The following POF1B variants were observed in gnomAD, a reference collection of about 807,000 sequenced individuals.
POF1B encodes protein POF1B.
A neutral mutation model predicts 55.3 loss-of-function variants in POF1B; 53 were observed. The observed-to-expected ratio is 0.96, with a 90% CI of 0.77 to 1.20. The LOEUF is 1.20. Among genes scored for constraint, POF1B ranks in the 50% most tolerant of loss-of-function variants. POF1B has a pLI of 0.00. For missense variants in POF1B, 478 were observed against 420.5 expected (o/e 1.14, Z -1.20); for synonymous variants, 188 against 148.3 (o/e 1.27, Z -1.95).
chrX:85,356,021 G>A (rs1297317988), intron 4 of POF1B, among the ~76,000 whole-genome samples: 8 of 111,231 alleles, frequency 7.2e-5, no homozygotes, highest in Non-Finnish European at 1.3e-4. Flanking sequence ...TATGTTTATT[G>A]CGGCACTATT....
chrX:85,364,581 C>T (rs1026020300), intron 3 of POF1B, among the ~76,000 whole-genome samples: 1 of 111,606 alleles, frequency 9.0e-6, no homozygotes, highest in African/African-American at 3.3e-5. Context: ...TAGGCCTCTA[C>T]TCTCTCCTGG....
chrX:85,305,406 G>A (rs1408420108), intron 13 of POF1B, among the ~76,000 whole-genome samples: 1 of 110,242 alleles, frequency 9.1e-6, no homozygotes, highest in Admixed American at 9.7e-5. Flanking sequence ...ATCATCCCTC[G>A]AAATTAAGTG....
intron 15 of POF1B, among the ~76,000 whole-genome samples, chrX:85,286,041 T>C (rs950989146): frequency 8.9e-6 from 1 of 111,925 alleles, no homozygotes; most frequent in Non-Finnish European, 1.9e-5. Context: ...TAGGTAAATT[T>C]ACAACATTGT....
At chrX:85,379,608 A>G in intron 1 of POF1B, 31 bp downstream of exon 1, 3 of 561,630 alleles carry the variant, frequency 5.3e-6, no homozygotes, top group South Asian at 3.3e-5. Flanking sequence ...AACCTCTGCC[A>G]ATAGTGGTGC....
chrX:85,367,399 G>T (rs1230590846), intron 3 of POF1B, among the ~76,000 whole-genome samples: 1 of 111,614 alleles, frequency 9.0e-6, no homozygotes, highest in Non-Finnish European at 1.9e-5. Flanking sequence ...ATCAATCTGA[G>T]ATCTAGCTAT....
chrX:85,301,443 CA>C (rs1932452121), intron 15 of POF1B, among the ~76,000 whole-genome samples: 1 of 111,232 alleles, frequency 9.0e-6, no homozygotes, highest in South Asian at 3.7e-4. Flanking sequence ...CCCATACAAG[CA>C]AAAACCCAAA....
At chrX:85,360,361 C>T (rs1933582869) in intron 3 of POF1B, among the ~76,000 whole-genome samples, 1 of 104,760 alleles carries the variant, frequency 9.5e-6, no homozygotes, top group South Asian at 4.2e-4. Flanking sequence ...CTTTTTGTGT[C>T]CATGATTTCT....
chrX:85,299,334 G>A (rs1289819838), intron 15 of POF1B, among the ~76,000 whole-genome samples: 1 of 103,496 alleles, frequency 9.7e-6, no homozygotes, highest in Non-Finnish European at 2.0e-5. Flanking sequence ...TGTCGCCCAG[G>A]CTGGAGTGCA....
rs1015315774 is a variant in POF1B, at chrX:85,326,221, G to A, written c.854+4728C>T. Among the ~76,000 whole-genome samples the A allele has an allele frequency of 3.6e-5, 4 of 112,335 alleles. No homozygotes were observed. The Admixed American group carries it at 3.7e-4, about 11-fold the overall frequency. ...TGGCTGCAACATGGAGATTGCAGGT[G>A]CAGGCGTGCCGGCCTCTGTGGTGGT... is the stretch of plus-strand genomic sequence containing the variant. On this transcript the variant is annotated intron_variant, in intron 7 of 16. Coordinates refer to ENST00000262753, the MANE Select transcript of POF1B (RefSeq NM_024921.4).
intron 15 of POF1B, among the ~76,000 whole-genome samples, chrX:85,293,550 G>A (rs187711504): frequency 2.2e-4 from 25 of 112,118 alleles, no homozygotes; most frequent in Non-Finnish European, 4.5e-4. Flanking sequence ...AGAGGATCAG[G>A]AAGAATAACT....
intron 6 of POF1B, among the ~76,000 whole-genome samples, chrX:85,344,907 G>A (rs548937043): frequency 1.8e-5 from 2 of 111,610 alleles, no homozygotes; most frequent in Non-Finnish European, 3.8e-5. Context: ...GTGAGTCACC[G>A]AACCTGGCTC....
At chrX:85,359,459 C>T (rs754441643) in intron 4 of POF1B, 91 bp downstream of exon 4, 12 of 635,828 alleles carry the variant, frequency 1.9e-5, no homozygotes, top group Non-Finnish European at 2.8e-5. Flanking sequence ...GTCCAACAAT[C>T]TGATCTTAAG....
rs780688163 is a variant in POF1B, at chrX:85,320,861, C to T, written c.855-5127G>A. Among the ~76,000 whole-genome samples, 512 of 110,303 alleles carry T rather than the reference C, an allele frequency of 4.6e-3. 1 individual carries two copies. The highest frequency in any genetic ancestry group is 8.9e-3 in the Admixed American group (92 of 10,328). ...ATCTAGAAGAAATGGATAAATTCCT[C>T]GACACATACACTCTCCCAAGACTAA... On this transcript the variant is annotated intron_variant, in intron 7 of 16. Coordinates refer to ENST00000262753, the MANE Select transcript of POF1B (RefSeq NM_024921.4).
chrX:85,304,324 C>T lies in POF1B; in HGVS notation c.1566+19G>A. On this transcript the variant is annotated intron_variant, in intron 14 of 16. Coordinates refer to ENST00000262753, the MANE Select transcript of POF1B (RefSeq NM_024921.4). The stretch of plus-strand genomic sequence containing the variant: ...TAAGTTGTATTACTTTTCTCCATCC[C>T]CACCCCTTCCTTTTATACCTCTGAC... 2 of 1,159,310 alleles carry T rather than the reference C, an allele frequency of 1.7e-6. No homozygotes were observed. Among genetic ancestry groups the T allele is most frequent in the Non-Finnish European group, 2.3e-6 (2 of 868,163 alleles).
intron 5 of POF1B, among the ~76,000 whole-genome samples, chrX:85,348,985 T>C (rs1933326441): frequency 9.0e-6 from 1 of 111,526 alleles, no homozygotes; most frequent in South Asian, 3.7e-4. Context: ...GATGTTATAA[T>C]TTGATTTCTT....
chrX:85,289,378 G>T (rs1932130524), intron 15 of POF1B, among the ~76,000 whole-genome samples: 1 of 111,954 alleles, frequency 8.9e-6, no homozygotes, highest in Non-Finnish European at 1.9e-5. Context: ...TTCATACATG[G>T]CAGTCTGGAC....
rs1462746575 is a variant in POF1B, at chrX:85,332,553, A to G, written c.724-1474T>C. Among the ~76,000 whole-genome samples, 5 of 111,313 alleles carry G rather than the reference A, an allele frequency of 4.5e-5. No individual in the cohort carries two copies. The East Asian group carries it at 1.4e-3, about 31-fold the overall frequency. On this transcript the variant is annotated intron_variant, in intron 6 of 16. Coordinates refer to ENST00000262753, the MANE Select transcript of POF1B (RefSeq NM_024921.4). The stretch of plus-strand genomic sequence containing the variant: ...GTGCCCTAAAAACACATTTATTCTT[A>G]AGCATATAGATGGTAAATGGATTTG...
chrX:85,358,353 T>C (rs1374441904), intron 4 of POF1B, among the ~76,000 whole-genome samples: 1 of 111,400 alleles, frequency 9.0e-6, no homozygotes, highest in East Asian at 2.8e-4. Flanking sequence ...TGTGGACCTG[T>C]CTTATCTCTT....
chrX:85,355,602 A>T (rs2147941367), intron 4 of POF1B, among the ~76,000 whole-genome samples: 1 of 112,016 alleles, frequency 8.9e-6, no homozygotes, highest in Non-Finnish European at 1.9e-5. Context: ...GAACTCAAAC[A>T]AATTTACAAG....
Sources: gnomAD v4.1 joint callset for allele counts (sites outside exome capture counted in the v4.1 genomes callset) on GRCh38, gnomAD v4.1.1 for gene constraint, MANE v1.5 for transcripts, NCBI Gene and HGNC (gene_info 2026-07-23, HGNC 2026-07-21) for gene names.